The following PCDH11X variants were observed in gnomAD, a reference collection of about 807,000 sequenced individuals.
PCDH11X encodes protocadherin-11 X-linked.
PCDH11X carries 18 observed loss-of-function variants against 53.3 expected under a neutral mutation model. The observed-to-expected ratio is 0.34, with a 90% CI of 0.23 to 0.50. The LOEUF (loss-of-function observed/expected upper bound fraction) is 0.50, where lower values mean the gene tolerates loss of function less well. Ranked by LOEUF, PCDH11X falls within the 20% of genes least tolerant of loss-of-function variation. The probability of loss-of-function intolerance (pLI) is 0.98; values close to 1 mark genes in which losing one functional copy is unlikely to be tolerated. For missense variants in PCDH11X, 570 were observed against 1,032.4 expected (o/e 0.55, Z 6.14); for synonymous variants, 279 against 393.3 (o/e 0.71, Z 3.44).
rs768429565 is a variant in PCDH11X, at chrX:92,077,362, A to G, written c.3034-124013A>G. Among the ~76,000 whole-genome samples, 15 of 107,261 alleles carry G rather than the reference A, an allele frequency of 1.4e-4. No homozygotes were observed. In the East Asian group the frequency reaches 4.5e-3, roughly 32 times the overall value. 93.1% of individuals were successfully genotyped at this position (107,261 alleles called of 115,157 possible). A position where few individuals can be genotyped will look rare whatever the true frequency, so the allele number is the denominator to read the frequency against. On this transcript the variant is annotated intron_variant, in intron 6 of 10. Coordinates refer to ENST00000682573, the MANE Select transcript of PCDH11X (RefSeq NM_032968.5). ...GCAGACGTAAGGAAATATTAATCCT[A>G]GCTTTAACTCTATTGTTGAATGACC...
At chrX:92,228,943 G>T (rs930904103) in intron 7 of PCDH11X, among the ~76,000 whole-genome samples, 1 of 111,347 alleles carries the variant, frequency 9.0e-6, no homozygotes, top group African/African-American at 3.3e-5. Context: ...CATTGTATAG[G>T]CTAAGAGATC....
At chrX:92,262,190 C>T (rs1329881480) in intron 7 of PCDH11X, among the ~76,000 whole-genome samples, 1 of 110,752 alleles carries the variant, frequency 9.0e-6, no homozygotes, top group African/African-American at 3.3e-5. Context: ...CTCTATTTCT[C>T]TTAGTATTTA....
chrX:92,148,604 C>T (rs2065372255), intron 6 of PCDH11X, among the ~76,000 whole-genome samples: 1 of 108,159 alleles, frequency 9.2e-6, no homozygotes, highest in Non-Finnish European at 1.9e-5. Flanking sequence ...GATAGTGTAG[C>T]GTAGGCACAT....
At chrX:92,240,539 G>A (rs1293141160) in intron 7 of PCDH11X, among the ~76,000 whole-genome samples, 1 of 111,494 alleles carries the variant, frequency 9.0e-6, no homozygotes, top group African/African-American at 3.3e-5. Flanking sequence ...AGTACAGGGG[G>A]TTATACAAGA....
At chrX:92,235,433 A>G (rs2067151679) in intron 7 of PCDH11X, among the ~76,000 whole-genome samples, 1 of 111,500 alleles carries the variant, frequency 9.0e-6, no homozygotes, top group African/African-American at 3.3e-5. Flanking sequence ...AGTATAAATA[A>G]TAATAGAAAA....
At chrX:92,375,505 TTA>T (rs2070731809) in intron 8 of PCDH11X, among the ~76,000 whole-genome samples, 1 of 105,335 alleles carries the variant, frequency 9.5e-6, no homozygotes, top group Non-Finnish European at 2.0e-5. Flanking sequence ...AAGAATTAGT[TTA>T]TGTTTATATG....
Position 92,545,387 on chromosome X carries a change from CTTTTTTTTT to C in PCDH11X, c.3368-72859_3368-72851del, listed in dbSNP as rs566573698. ...ATCATTGACTTCGAAGGTTAAATTC[CTTTTTTTTT>C]TTTTTTTTTTTTTTTTTGTTTTTGA... On this transcript the variant is annotated intron_variant, in intron 10 of 10. Coordinates refer to ENST00000682573, the MANE Select transcript of PCDH11X (RefSeq NM_032968.5). 8.4e-3 allele frequency among the ~76,000 whole-genome samples: 553 copies of C among 66,011 alleles called. 2 individuals are homozygous for C. Among genetic ancestry groups the C allele is most frequent in the Middle Eastern group, 0.032 (3 of 93 alleles). 57.3% of individuals were successfully genotyped at this position (66,011 alleles called of 115,157 possible).
chrX:92,062,540 T>C (rs756138203), intron 6 of PCDH11X, among the ~76,000 whole-genome samples: 1 of 111,775 alleles, frequency 8.9e-6, no homozygotes, highest in African/African-American at 3.3e-5. Flanking sequence ...TGAAAGGATA[T>C]GAACAGACAC....
intron 5 of PCDH11X, among the ~76,000 whole-genome samples, chrX:91,873,229 T>C (rs1939420085): frequency 9.0e-6 from 1 of 110,766 alleles, no homozygotes; most frequent in South Asian, 3.8e-4. Flanking sequence ...TACAGTTCAA[T>C]AGAATTTGTG....
At chrX:92,129,620 A>G (rs779848514) in intron 6 of PCDH11X, among the ~76,000 whole-genome samples, 1 of 112,048 alleles carries the variant, frequency 8.9e-6, no homozygotes, top group East Asian at 2.8e-4. Flanking sequence ...ATGTTGTAGA[A>G]AAATGCTATA....
At chrX:91,810,351 C>A (rs2147559030) in intron 2 of PCDH11X, 122 bp from the exon 3 acceptor site, 1 of 111,877 alleles carries the variant, frequency 8.9e-6, no homozygotes, top group African/African-American at 3.2e-5. Context: ...TGATTTGTAG[C>A]CATTACAGCT....
intron 1 of PCDH11X, among the ~76,000 whole-genome samples, chrX:91,806,853 A>G (rs911099856): frequency 8.9e-6 from 1 of 112,028 alleles, no homozygotes; most frequent in African/African-American, 3.2e-5. Flanking sequence ...GAAAGTAGAC[A>G]TTTTACTCAT....
chrX:91,801,148 C>T (rs1305949777), intron 1 of PCDH11X, among the ~76,000 whole-genome samples: 1 of 91,340 alleles, frequency 1.1e-5, no homozygotes, highest in Non-Finnish European at 2.2e-5. Flanking sequence ...CCACTGCACT[C>T]CAGCCTGGGC....
rs1210314054 is a variant in PCDH11X at position 92,001,471 on chromosome X, TC to T, written c.3033+122199del. On this transcript the variant is annotated intron_variant, in intron 6 of 10. Transcript: ENST00000682573. ...GTTATTTGAGCTCTTTTTTTTTCTT[TC>T]TTTTTTTTTTTTTGAGACAGAGTTT... 1.3e-4 allele frequency among the ~76,000 whole-genome samples: 10 copies of T among 74,095 alleles called. 1 individual carries two copies. The highest frequency in any genetic ancestry group is 4.3e-4 in the African/African-American group (9 of 21,020). The allele number at this position is 74,095 out of a possible 115,157, so 64.3% of individuals were successfully genotyped here.
intron 6 of PCDH11X, among the ~76,000 whole-genome samples, chrX:92,142,722 A>AT (rs2148219156): frequency 9.0e-6 from 1 of 110,605 alleles, no homozygotes; most frequent in South Asian, 3.8e-4. Flanking sequence ...GGTAACTTGT[A>AT]TTTTTTTCTG....
chrX:92,252,439 GT>G (rs1251037799), intron 7 of PCDH11X, among the ~76,000 whole-genome samples: 1 of 110,086 alleles, frequency 9.1e-6, no homozygotes, highest in East Asian at 2.9e-4. Flanking sequence ...TTCTTCTCTA[GT>G]TTCATCCATT....
intron 10 of PCDH11X, among the ~76,000 whole-genome samples, chrX:92,502,677 T>C (rs1413694541): frequency 9.1e-6 from 1 of 110,351 alleles, no homozygotes; most frequent in Non-Finnish European, 1.9e-5. Flanking sequence ...CACAAAATTA[T>C]AACTGGACTC....
intron 6 of PCDH11X, among the ~76,000 whole-genome samples, chrX:92,101,970 G>A (rs2064263481): frequency 8.9e-6 from 1 of 112,010 alleles, no homozygotes; most frequent in Non-Finnish European, 1.9e-5. Context: ...GGTATGTGGC[G>A]ATTAGGCCTG....
At chrX:92,203,085 G>T (rs914464446) in intron 7 of PCDH11X, among the ~76,000 whole-genome samples, 2 of 111,654 alleles carry the variant, frequency 1.8e-5, no homozygotes, top group African/African-American at 6.5e-5. Flanking sequence ...TTCTATAACT[G>T]GTTATTATAC....
Sources: gnomAD v4.1 joint callset for allele counts (sites outside exome capture counted in the v4.1 genomes callset) on GRCh38, gnomAD v4.1.1 for gene constraint, MANE v1.5 for transcripts, NCBI Gene and HGNC (gene_info 2026-07-23, HGNC 2026-07-21) for gene names.